Variants in PDE1C observed in about 807,000 individuals in gnomAD.
PDE1C encodes phosphodiesterase 1C.
In PDE1C, 62 loss-of-function variants were observed where a neutral mutation model predicts 93.1. That is an observed-to-expected ratio of 0.67 (90% confidence interval 0.54 to 0.82). PDE1C has a LOEUF of 0.82. PDE1C is among the 40% of genes least tolerant of loss of function. The probability of loss-of-function intolerance (pLI) is 0.00; values close to 1 mark genes in which losing one functional copy is unlikely to be tolerated. For synonymous variants in PDE1C, 325 were observed against 310.1 expected (o/e 1.05, Z -0.50); for missense variants, 742 against 884.6 (o/e 0.84, Z 2.04).
chr7:32,219,439 T>G (rs1806673933), intron 1 of PDE1C, among the ~76,000 whole-genome samples: 1 of 152,252 alleles, frequency 6.6e-6, no homozygotes, highest in African/African-American at 2.4e-5. Context: ...TCTATCTGCC[T>G]TCTTCCCTAC....
the PDE1C span, among the ~76,000 whole-genome samples, chr7:31,731,419 C>G: frequency 1.3e-5 from 2 of 149,756 alleles, no homozygotes; most frequent in Admixed American, 1.3e-4. Context: ...GAGAGAGAGT[C>G]TCGCTCTGTC....
intron 3 of PDE1C, among the ~76,000 whole-genome samples, chr7:32,082,630 G>A (rs978844476): frequency 3.3e-5 from 5 of 152,250 alleles, no homozygotes; most frequent in East Asian, 1.9e-4. Flanking sequence ...CACCTCACAC[G>A]GCTGGGTACT....
chr7:32,220,669 A>AG (rs1252117046), intron 1 of PDE1C, among the ~76,000 whole-genome samples: 6 of 152,062 alleles, frequency 3.9e-5, no homozygotes, highest in Non-Finnish European at 8.8e-5. Flanking sequence ...TATAAAAAAA[A>AG]TAGCTGGGCA....
intron 2 of PDE1C, among the ~76,000 whole-genome samples, chr7:31,909,596 A>G (rs1460281432): frequency 5.3e-5 from 8 of 152,176 alleles, no homozygotes; most frequent in Non-Finnish European, 1.0e-4. Flanking sequence ...AATATTTCTG[A>G]AATAGAGATG....
intron 1 of PDE1C, among the ~76,000 whole-genome samples, chr7:32,264,046 A>C (rs1167635342): frequency 6.6e-6 from 1 of 151,428 alleles, no homozygotes; most frequent in South Asian, 2.1e-4. Context: ...AATTCCACCC[A>C]CCCCCTTAGA....
intron 17 of PDE1C, among the ~76,000 whole-genome samples, chr7:31,760,226 C>A (rs1380716942): frequency 2.0e-5 from 3 of 152,186 alleles, no homozygotes; most frequent in Non-Finnish European, 2.9e-5. Context: ...CATGTAGTTT[C>A]TCTCAATTTT....
At chr7:32,161,629 T>C (rs1172193340) in intron 3 of PDE1C, among the ~76,000 whole-genome samples, 1 of 151,388 alleles carries the variant, frequency 6.6e-6, no homozygotes, top group Non-Finnish European at 1.5e-5. Context: ...AGAGAGAACT[T>C]CAGGGATTCC....
At chr7:32,322,562 C>T (rs576487314) in intron 1 of PDE1C, among the ~76,000 whole-genome samples, 1 of 152,260 alleles carries the variant, frequency 6.6e-6, no homozygotes, top group African/African-American at 2.4e-5. Flanking sequence ...TATGATCACA[C>T]CGCTGCACTC....
chr7:32,011,784 A>C (rs987287274), intron 2 of PDE1C, among the ~76,000 whole-genome samples: 1 of 152,208 alleles, frequency 6.6e-6, no homozygotes, highest in Non-Finnish European at 1.5e-5. Context: ...AAACCATTAA[A>C]CATGCAGCTA....
intron 3 of PDE1C, chr7:32,169,756 G>T: frequency 6.3e-7 from 1 of 1,599,182 alleles, no homozygotes. Flanking sequence ...CAAATAAGAA[G>T]GAACACATTG....
At chr7:31,934,499 T>A (rs1210736056) in intron 2 of PDE1C, among the ~76,000 whole-genome samples, 2 of 151,808 alleles carry the variant, frequency 1.3e-5, no homozygotes, top group African/African-American at 4.8e-5. Context: ...TGGCACAGCA[T>A]CTTTAAAGTA....
In PDE1C at chr7:32,370,404, G is replaced by A. The variant is rs562398863; in HGVS notation, c.310+57418C>T. ...GCAGAGCTTGCAGTGAGCTGAGATC[G>A]CACCACGGCACTCCAGCCTGGGCGA... On this transcript the variant is annotated intron_variant, in intron 1 of 1. Transcript: ENST00000672256. Among the ~76,000 whole-genome samples the A allele has an allele frequency of 1.4e-3, 215 of 148,316 alleles. 2 individuals carry two copies. Among genetic ancestry groups the A allele is most frequent in the South Asian group, 0.011 (51 of 4,708 alleles).
chr7:31,889,669 T>C (rs1040500492), intron 2 of PDE1C, among the ~76,000 whole-genome samples: 22 of 152,208 alleles, frequency 1.4e-4, no homozygotes, highest in African/African-American at 5.1e-4. Flanking sequence ...TGAGAGTATG[T>C]GGGCAACTGT....
At chr7:31,874,540 C>G (rs896581561) in intron 5 of PDE1C, among the ~76,000 whole-genome samples, 1 of 152,238 alleles carries the variant, frequency 6.6e-6, no homozygotes, top group African/African-American at 2.4e-5. Flanking sequence ...ATCCATCCAT[C>G]CTAATTTTGT....
chr7:32,012,906 A>T (rs117371744), intron 2 of PDE1C, among the ~76,000 whole-genome samples: 6,233 of 152,304 alleles, frequency 0.041, 195 homozygotes, highest in Admixed American at 0.09. Flanking sequence ...CATTCATAAC[A>T]TACATTTCAC....
At chr7:31,912,292 CTT>C (rs750073528) in intron 2 of PDE1C, among the ~76,000 whole-genome samples, 10 of 152,132 alleles carry the variant, frequency 6.6e-5, no homozygotes, top group Non-Finnish European at 1.5e-4. Context: ...AATATTTTGA[CTT>C]AACATACAGA....
At chr7:32,323,527 G>A (rs1200628282) in intron 1 of PDE1C, among the ~76,000 whole-genome samples, 1 of 152,140 alleles carries the variant, frequency 6.6e-6, no homozygotes, top group Non-Finnish European at 1.5e-5. Flanking sequence ...GACTCAGAAA[G>A]GAGAGAACAT....
intron 1 of PDE1C, among the ~76,000 whole-genome samples, chr7:32,230,622 T>C (rs1432493420): frequency 6.6e-6 from 1 of 152,060 alleles, no homozygotes; most frequent in African/African-American, 2.4e-5. Flanking sequence ...AGTCATGAGA[T>C]GAAATTTTAG....
intron 2 of PDE1C, among the ~76,000 whole-genome samples, chr7:32,199,618 T>A (rs1804863454): frequency 6.6e-6 from 1 of 152,230 alleles, no homozygotes; most frequent in South Asian, 2.1e-4. Context: ...ATATTTTACA[T>A]TTCTTGAAGT....
Sources: gnomAD v4.1 joint callset for allele counts (sites outside exome capture counted in the v4.1 genomes callset) on GRCh38, gnomAD v4.1.1 for gene constraint, MANE v1.5 for transcripts, NCBI Gene and HGNC (gene_info 2026-07-23, HGNC 2026-07-21) for gene names.